ZSWIM6: variants seen among roughly 807,000 people sequenced by gnomAD.
ZSWIM6 encodes zinc finger SWIM-type containing 6.
Under a neutral mutation model 113.2 loss-of-function variants are expected in ZSWIM6, and 9 were observed. The observed-to-expected ratio is 0.08, with a 90% CI of 0.05 to 0.14. The LOEUF (loss-of-function observed/expected upper bound fraction) is 0.14. Ranked by LOEUF, ZSWIM6 falls within the 10% of genes least tolerant of loss-of-function variation. ZSWIM6 has a pLI of 1.00. For synonymous variants in ZSWIM6, 611 were observed against 606.5 expected, an observed-to-expected ratio of 1.01 and a Z score of -0.11; for missense variants, 1,162 against 1,552.2, an observed-to-expected ratio of 0.75 and a Z score of 4.22.
chr5:61,520,757 A>C (rs1749093817), intron 4 of ZSWIM6, among the ~76,000 whole-genome samples: 1 of 152,182 alleles, frequency 6.6e-6, no homozygotes, highest in South Asian at 2.1e-4. Context: ...ATATGCCTTA[A>C]TGATTTTATT....
chr5:61,498,996 A>G (rs2112226627), intron 4 of ZSWIM6, among the ~76,000 whole-genome samples: 1 of 152,174 alleles, frequency 6.6e-6, no homozygotes, highest in Admixed American at 6.5e-5. Flanking sequence ...GAGTTATTCA[A>G]ACTAACTCAA....
At chr5:61,493,464 A>G (rs985947961) in intron 3 of ZSWIM6, among the ~76,000 whole-genome samples, 17 of 152,204 alleles carry the variant, frequency 1.1e-4, no homozygotes, top group African/African-American at 4.1e-4. Context: ...TCCTAAAAAA[A>G]CTAAAGGCCA....
At chr5:61,494,511 T>C (rs1748269343) in intron 4 of ZSWIM6, 101 bp downstream of exon 4, 1 of 1,408,930 alleles carries the variant, frequency 7.1e-7, no homozygotes, top group Non-Finnish European at 9.6e-7. Flanking sequence ...AAGAGAGAGC[T>C]GCTCATGCAT....
At chr5:61,499,814 T>C (rs1329803509) in intron 4 of ZSWIM6, among the ~76,000 whole-genome samples, 2 of 152,146 alleles carry the variant, frequency 1.3e-5, no homozygotes, top group Non-Finnish European at 2.9e-5. Context: ...AAAACCTGGA[T>C]TTTTGCTTTA....
chr5:61,540,314 G>T (rs986468612), intron 12 of ZSWIM6, among the ~76,000 whole-genome samples: 1 of 152,150 alleles, frequency 6.6e-6, no homozygotes, highest in Non-Finnish European at 1.5e-5. Context: ...ATAGATGTTT[G>T]CTTCCTTATA....
intron 1 of ZSWIM6, among the ~76,000 whole-genome samples, chr5:61,418,771 G>A (rs1201051660): frequency 6.6e-6 from 1 of 152,182 alleles, no homozygotes; most frequent in Non-Finnish European, 1.5e-5. Context: ...GAGAAATAAT[G>A]TTTACTTTAC....
chr5:61,458,079 G>A (rs1427195807), intron 1 of ZSWIM6, among the ~76,000 whole-genome samples: 1 of 152,048 alleles, frequency 6.6e-6, no homozygotes, highest in Non-Finnish European at 1.5e-5. Context: ...TCTCAAGAAT[G>A]GATAATAATA....
At chr5:61,467,253 A>G (rs1747454976) in intron 1 of ZSWIM6, among the ~76,000 whole-genome samples, 1 of 152,218 alleles carries the variant, frequency 6.6e-6, no homozygotes, top group Non-Finnish European at 1.5e-5. Context: ...ATATCAAATA[A>G]CAGTAATAAA....
At chr5:61,399,956 C>CG (rs1347800745) in intron 1 of ZSWIM6, among the ~76,000 whole-genome samples, 1 of 152,082 alleles carries the variant, frequency 6.6e-6, no homozygotes, top group Non-Finnish European at 1.5e-5. Flanking sequence ...CCTGTACACT[C>CG]GGGGGTATAG....
At chr5:61,516,459 A>AT (rs1561273958) in intron 4 of ZSWIM6, among the ~76,000 whole-genome samples, 38 of 144,270 alleles carry the variant, frequency 2.6e-4, no homozygotes, top group African/African-American at 9.2e-4. Context: ...TATATATATA[A>AT]AAACTATATA....
chr5:61,419,646 G>A (rs1746317314), intron 1 of ZSWIM6, among the ~76,000 whole-genome samples: 1 of 152,180 alleles, frequency 6.6e-6, no homozygotes, highest in Non-Finnish European at 1.5e-5. Context: ...GAACAGCTCA[G>A]GTATAGAACA....
At chr5:61,500,503 G>A (rs1001574205) in intron 4 of ZSWIM6, among the ~76,000 whole-genome samples, 4 of 152,100 alleles carry the variant, frequency 2.6e-5, no homozygotes, top group African/African-American at 9.7e-5. Context: ...TCAAAGCGAA[G>A]CTCACCTAGT....
rs372873074 is a variant in ZSWIM6, at chr5:61,409,593, T to C, written c.677-63088T>C. Among the ~76,000 whole-genome samples the C allele has an allele frequency of 2.6e-5, 4 of 152,226 alleles. No homozygotes were observed. In the East Asian group the frequency reaches 5.8e-4, roughly 22 times the overall value. Reference sequence around the variant, plus strand: ...CCCCCTTCTCCACCATACCCTGTTTTCTTGATGGTTAATTTTACTTTTAAA... The same window carrying C: ...CCCCCTTCTCCACCATACCCTGTTTCCTTGATGGTTAATTTTACTTTTAAA... On this transcript the variant is annotated intron_variant, in intron 1 of 13. Coordinates refer to ENST00000252744, the MANE Select transcript of ZSWIM6 (RefSeq NM_020928.2).
intron 1 of ZSWIM6, among the ~76,000 whole-genome samples, chr5:61,337,974 G>T (rs776479259): frequency 6.6e-6 from 1 of 152,056 alleles, no homozygotes; most frequent in Non-Finnish European, 1.5e-5. Context: ...ATATGTGTGT[G>T]TGTGTGTGCT....
chr5:61,362,881 C>T (rs1442006846), intron 1 of ZSWIM6, among the ~76,000 whole-genome samples: 4 of 152,210 alleles, frequency 2.6e-5, no homozygotes, highest in Non-Finnish European at 5.9e-5. Context: ...ACCCAGTACA[C>T]ACATACGTTA....
chr5:61,424,402 A>G (rs1746420955), intron 1 of ZSWIM6, among the ~76,000 whole-genome samples: 1 of 152,194 alleles, frequency 6.6e-6, no homozygotes, highest in Admixed American at 6.5e-5. Context: ...GAAAATAAAG[A>G]TGTAGAGAAT....
At chr5:61,479,202 G>A (rs1048901649) in intron 2 of ZSWIM6, among the ~76,000 whole-genome samples, 16 of 151,702 alleles carry the variant, frequency 1.1e-4, no homozygotes, top group African/African-American at 3.6e-4. Flanking sequence ...AAAAAACATG[G>A]ATAGAATCTC....
intron 1 of ZSWIM6, among the ~76,000 whole-genome samples, chr5:61,350,807 A>T (rs1016111518): frequency 7.2e-5 from 11 of 152,206 alleles, no homozygotes; most frequent in African/African-American, 2.7e-4. Context: ...AGTCCTTATA[A>T]AATGGGACTA....
At chr5:61,361,144 GACTT>G (rs1745026272) in intron 1 of ZSWIM6, among the ~76,000 whole-genome samples, 1 of 152,078 alleles carries the variant, frequency 6.6e-6, no homozygotes. Context: ...GAAGGAGAGG[GACTT>G]ACTTTTGAAT....
Sources: allele counts gnomAD v4.1 joint callset (sites outside exome capture counted in the v4.1 genomes callset), GRCh38; gene constraint gnomAD v4.1.1; transcripts MANE v1.5; gene names NCBI Gene and HGNC (gene_info 2026-07-23, HGNC 2026-07-21).